Variants in PTPRN2 observed in about 807,000 individuals in gnomAD.
PTPRN2 encodes the protein protein tyrosine phosphatase receptor type N2.
In PTPRN2, 74 loss-of-function variants were observed where a neutral mutation model predicts 118.8. The observed-to-expected ratio is 0.62, with a 90% confidence interval of 0.52 to 0.76. PTPRN2 has a LOEUF of 0.76. Ranked by LOEUF, PTPRN2 falls within the 30% of genes least tolerant of loss-of-function variation. PTPRN2 has a pLI of 0.00. For synonymous variants in PTPRN2, 641 were observed against 608.0 expected, an observed-to-expected ratio of 1.05 and a Z score of -0.80; for missense variants, 1,481 against 1,394.4, an observed-to-expected ratio of 1.06 and a Z score of -0.99.
At chr7:157,822,393 T>G in intron 12 of PTPRN2, among the ~76,000 whole-genome samples, 1 of 151,768 alleles carries the variant, frequency 6.6e-6, no homozygotes, top group African/African-American at 2.4e-5. Context: ...TCTATCCATC[T>G]ATATACTATC....
chr7:158,162,638 G>A (rs528103260), intron 6 of PTPRN2, among the ~76,000 whole-genome samples: 12 of 39,462 alleles, frequency 3.0e-4, no homozygotes, highest in Admixed American at 7.4e-4. Context: ...TTCCTTCACC[G>A]GCCACTGCAC....
chr7:157,885,054 G>A (rs1796373060), intron 12 of PTPRN2, among the ~76,000 whole-genome samples: 1 of 152,060 alleles, frequency 6.6e-6, no homozygotes. Context: ...TGTTACAGGA[G>A]TCCACCCCTC....
intron 2 of PTPRN2, among the ~76,000 whole-genome samples, chr7:158,341,335 C>A (rs1301213062): frequency 1.2e-3 from 178 of 146,122 alleles, no homozygotes; most frequent in Middle Eastern, 3.7e-3. Flanking sequence ...TCACTCACAC[C>A]CACACTCTCA....
chr7:158,510,816 C>T (rs1823122192), intron 1 of PTPRN2, among the ~76,000 whole-genome samples: 1 of 152,218 alleles, frequency 6.6e-6, no homozygotes, highest in Non-Finnish European at 1.5e-5. Flanking sequence ...AATAAGCCGA[C>T]AGGACACTGA....
chr7:158,164,088 G>A (rs1007485789), intron 6 of PTPRN2, among the ~76,000 whole-genome samples: 2 of 152,230 alleles, frequency 1.3e-5, no homozygotes, highest in African/African-American at 4.8e-5. Flanking sequence ...TAGGGATCAC[G>A]GGAGAGTGGA....
At chr7:157,564,880 C>T (rs1206296135) in intron 21 of PTPRN2, among the ~76,000 whole-genome samples, 1 of 152,248 alleles carries the variant, frequency 6.6e-6, no homozygotes, top group Non-Finnish European at 1.5e-5. Context: ...TTACTCACAA[C>T]AGCCCAAAGC....
intron 12 of PTPRN2, chr7:157,740,401 G>A (rs975827688): frequency 6.6e-6 from 1 of 152,072 alleles, no homozygotes; most frequent in African/African-American, 2.4e-5. Flanking sequence ...AGCCTGACCA[G>A]CTCCGGAACA....
chr7:158,415,807 G>A (rs1398919073), intron 2 of PTPRN2, among the ~76,000 whole-genome samples: 2 of 152,202 alleles, frequency 1.3e-5, no homozygotes, highest in Non-Finnish European at 2.9e-5. Context: ...CAAATCAGGT[G>A]ATTTAGCCTA....
At chr7:158,230,558 CTT>C (rs1367827839) in intron 3 of PTPRN2, among the ~76,000 whole-genome samples, 1 of 151,302 alleles carries the variant, frequency 6.6e-6, no homozygotes, top group African/African-American at 2.4e-5. Context: ...TCATTTTTTT[CTT>C]TGTTTCTATT....
intron 3 of PTPRN2, among the ~76,000 whole-genome samples, chr7:158,211,153 T>C (rs1324070524): frequency 6.6e-6 from 1 of 152,106 alleles, no homozygotes; most frequent in Non-Finnish European, 1.5e-5. Context: ...TCCTATCTCT[T>C]CCTATACAAA....
chr7:157,543,384 G>A (rs139855921), intron 22 of PTPRN2, among the ~76,000 whole-genome samples: 10 of 152,376 alleles, frequency 6.6e-5, no homozygotes, highest in Admixed American at 4.6e-4. Flanking sequence ...TGGGACGGCC[G>A]AGCCAGGCTC....
Position 158,167,403 on chromosome 7 carries a change from C to A in PTPRN2, c.550-112G>T, listed in dbSNP as rs558597134. 333 of 1,349,406 alleles carry A rather than the reference C, an allele frequency of 2.5e-4. No individual in the cohort carries two copies. The African/African-American group carries it at 4.3e-3, about 18-fold the overall frequency. 83.6% of individuals were successfully genotyped at this position (1,349,406 alleles called of 1,614,324 possible). On this transcript the variant is annotated intron_variant, in intron 5 of 22. Transcript: ENST00000389418. ...AAGGTCCTAAACAGCCCTGGGGGTA[C>A]AAAGATGCCCTTCGGTCTCAGGTTC...
At position 158,407,690 on chromosome 7, in the gene PTPRN2, G is replaced by C. The variant is rs28726338; in HGVS notation, c.163+82045C>G. On this transcript the variant is annotated intron_variant, in intron 2 of 22. Transcript: ENST00000389418. ...CCTGCGTCCTGGGTCCTGGGTCCTG[G>C]GTCCTGCGTCCTGCATCCTGCGTCC... Among the ~76,000 whole-genome samples, 804 of 99,274 alleles carry C rather than the reference G, an allele frequency of 8.1e-3. 298 individuals carry two copies. Among genetic ancestry groups the C allele is most frequent in the Middle Eastern group, 0.012 (2 of 166 alleles). The allele number at this position is 99,274 out of a possible 152,430, so 65.1% of individuals were successfully genotyped here. A position where few individuals can be genotyped will look rare whatever the true frequency, so the allele number is the denominator to read the frequency against.
At chr7:158,413,532 T>C (rs1814377688) in intron 2 of PTPRN2, among the ~76,000 whole-genome samples, 2 of 152,238 alleles carry the variant, frequency 1.3e-5, no homozygotes, top group Non-Finnish European at 2.9e-5. Context: ...TGAGGATCTC[T>C]TGTCCTTAAC....
At chr7:157,996,551 TG>T in intron 11 of PTPRN2, among the ~76,000 whole-genome samples, 1 of 152,296 alleles carries the variant, frequency 6.6e-6, no homozygotes, top group East Asian at 1.9e-4. Context: ...AGCTCCTGCG[TG>T]CACATGGGGG....
chr7:157,597,268 A>G (rs769186879), intron 16 of PTPRN2, among the ~76,000 whole-genome samples: 7 of 152,262 alleles, frequency 4.6e-5, no homozygotes, highest in Non-Finnish European at 1.0e-4. Context: ...GAAATTCGCC[A>G]CAACACACAC....
intron 12 of PTPRN2, among the ~76,000 whole-genome samples, chr7:157,756,567 C>T (rs1045234853): frequency 2.6e-5 from 4 of 152,210 alleles, no homozygotes; most frequent in African/African-American, 9.7e-5. Context: ...TGAGCCACTG[C>T]GCCCAGCCTT....
intron 13 of PTPRN2, 75 bp downstream of exon 13, chr7:157,682,650 C>A: frequency 3.5e-6 from 5 of 1,416,864 alleles, no homozygotes; most frequent in Non-Finnish European, 4.9e-6. Flanking sequence ...GGAGGAGGGG[C>A]CAGAGAGGAA....
At chr7:158,206,686 C>A (rs1237921212) in intron 3 of PTPRN2, among the ~76,000 whole-genome samples, 1 of 152,130 alleles carries the variant, frequency 6.6e-6, no homozygotes, top group South Asian at 2.1e-4. Context: ...GGTGATACAT[C>A]TGTGAGTCTG....
Sources: allele counts gnomAD v4.1 joint callset (sites outside exome capture counted in the v4.1 genomes callset), GRCh38; gene constraint gnomAD v4.1.1; transcripts MANE v1.5; gene names NCBI Gene and HGNC (gene_info 2026-07-23, HGNC 2026-07-21).